Variants in HELB observed in about 807,000 individuals in gnomAD.
The protein encoded by HELB is DNA 5'-3' helicase B.
In HELB, 96 loss-of-function variants were observed where a neutral mutation model predicts 101.7. That is an observed-to-expected ratio of 0.94 (90% CI 0.80 to 1.12). The LOEUF (loss-of-function observed/expected upper bound fraction) is 1.12. Among genes scored for constraint, HELB ranks in the 50% most tolerant of loss-of-function variants. The probability of loss-of-function intolerance (pLI) is 0.00; values close to 1 mark genes in which losing one functional copy is unlikely to be tolerated. For synonymous variants in HELB, 437 were observed against 459.7 expected (o/e 0.95, Z 0.63); for missense variants, 1,210 against 1,291.9 (o/e 0.94, Z 0.97).
chr12:66,324,175 T>A lies in HELB; in HGVS notation c.2490T>A (p.Val830=). 4 of 1,613,674 alleles carry A rather than the reference T, an allele frequency of 2.5e-6. No individual in the cohort carries two copies. The highest frequency in any genetic ancestry group is 3.4e-6 in the Non-Finnish European group (4 of 1,179,726). The change falls in exon 10 of 13, where the codon GTT becomes GTA. Residue 830 remains valine, a synonymous_variant. Transcript: ENST00000247815. ...AKNKRDFESN[V]RLCNGEIFFI... Reference sequence around the variant, plus strand: ...ATAAGCGTGACTTTGAAAGTAACGTTCGACTGTGCAATGGAGAGATATTTT... The same window carrying A: ...ATAAGCGTGACTTTGAAAGTAACGTACGACTGTGCAATGGAGAGATATTTT...
intron 6 of HELB, among the ~76,000 whole-genome samples, chr12:66,316,148 C>G (rs967517214): frequency 6.6e-6 from 1 of 152,118 alleles, no homozygotes; most frequent in Admixed American, 6.5e-5. Context: ...GGTACAGTAG[C>G]ATGCTGTGCA....
downstream of HELB, chr12:66,342,185 G>A (rs985026153): frequency 3.9e-5 from 6 of 152,012 alleles, no homozygotes; most frequent in Non-Finnish European, 7.4e-5. Context: ...TTTTGTATAT[G>A]GTGTGAGGTA....
intron 12 of HELB, among the ~76,000 whole-genome samples, chr12:66,335,804 G>A (rs2053860242): frequency 1.3e-5 from 2 of 152,202 alleles, no homozygotes; most frequent in Non-Finnish European, 2.9e-5. Context: ...AATGGGTGTA[G>A]TACGTTGGGT....
At chr12:66,317,942 ATCT>A (rs911191527) in intron 6 of HELB, among the ~76,000 whole-genome samples, 9 of 152,216 alleles carry the variant, frequency 5.9e-5, no homozygotes, top group Non-Finnish European at 1.0e-4. Flanking sequence ...CGAGGAGTCA[ATCT>A]TCTTCCAAAT....
intron 3 of HELB, among the ~76,000 whole-genome samples, chr12:66,309,173 A>G (rs931577719): frequency 6.6e-6 from 1 of 152,218 alleles, no homozygotes; most frequent in African/African-American, 2.4e-5. Context: ...ATAAATACCT[A>G]TTTAACCAAA....
intron 3 of HELB, among the ~76,000 whole-genome samples, chr12:66,307,109 G>T (rs2053485806): frequency 6.6e-6 from 1 of 152,204 alleles, no homozygotes; most frequent in Non-Finnish European, 1.5e-5. Context: ...AATCTTGGTA[G>T]TTCTTGCTTA....
intron 7 of HELB, 99 bp downstream of exon 7, chr12:66,318,891 A>G: frequency 1.1e-6 from 1 of 883,540 alleles, no homozygotes; most frequent in Non-Finnish European, 1.7e-6. Flanking sequence ...TTAATGGTAA[A>G]GAGAAATATT....
In HELB at chr12:66,310,426, G is replaced by T. The variant is rs1471309475; in HGVS notation, c.1498G>T (p.Val500Leu). ...TATAGAGCAGTTGGAAGAAAGAGAA[G>T]TAAAAAAAGCCTGTGAAGATTTTGA... ...KHIEQLEERE[V>L]KKACEDFEQD... The change falls in exon 4 of 13, where the codon GTA becomes TTA. Residue 500 changes from valine to leucine, a missense_variant. Physicochemically the swap from Val to Leu is conservative, Grantham distance 32 (BLOSUM62 1). Transcript: ENST00000247815. 4 of 1,614,086 alleles carry T rather than the reference G, an allele frequency of 2.5e-6. No homozygotes were observed. Among genetic ancestry groups the T allele is most frequent in the Admixed American group, 3.3e-5 (2 of 60,002 alleles).
chr12:66,334,306 T>TA (rs1485751119), intron 12 of HELB, among the ~76,000 whole-genome samples: 2 of 150,928 alleles, frequency 1.3e-5, no homozygotes, highest in Non-Finnish European at 3.0e-5. Flanking sequence ...ACAAAAATAG[T>TA]AAAAAATTAG....
In HELB at chr12:66,309,955, G is replaced by A. The variant is rs1450391472; in HGVS notation, c.1027G>A (p.Val343Met). 1.2e-6 allele frequency: 2 copies of A among 1,614,208 alleles called. No homozygotes were observed. Among genetic ancestry groups the A allele is most frequent in the Non-Finnish European group, 1.7e-6 (2 of 1,180,026 alleles). ...ESLKFLKDIG[V>M]VTYEKSCVFP... ...TCTGAAGTTTTTGAAGGATATTGGT[G>A]TGGTGACATATGAGAAGTCCTGTGT... The change falls in exon 4 of 13, where the codon GTG becomes ATG. Residue 343 changes from valine to methionine, a missense_variant. Physicochemically the swap from Val to Met is conservative, Grantham distance 21. Coordinates refer to ENST00000247815, the MANE Select transcript of HELB (RefSeq NM_001370285.1).
At position 66,324,155 on chromosome 12, in the gene HELB, C is replaced by T. The variant is rs552894297; in HGVS notation, c.2470C>T (p.Arg824Cys). ...GCTTCCTGATTTTGCTAAAAATAAG[C>T]GTGACTTTGAAAGTAACGTTCGACT... ...GTLPDFAKNK[R>C]DFESNVRLCN... Residue 824 changes from arginine (R) to cysteine (C), a missense_variant, in exon 10 of 13, where the codon CGT becomes TGT. This residue lies in a region of HELB where 740 missense variants were observed against 728.8 expected (regional missense o/e 1.02). Coordinates refer to ENST00000247815, the MANE Select transcript of HELB (RefSeq NM_001370285.1). 19 of 1,613,654 alleles carry T rather than the reference C, an allele frequency of 1.2e-5. No homozygotes were observed. Among genetic ancestry groups the T allele is most frequent in the South Asian group, 2.2e-5 (2 of 91,072 alleles).
At chr12:66,305,708 G>T (rs1449231822) in intron 2 of HELB, among the ~76,000 whole-genome samples, 1 of 150,954 alleles carries the variant, frequency 6.6e-6, no homozygotes, top group Non-Finnish European at 1.5e-5. Context: ...TTGCACCACT[G>T]TACTCCAGCC....
chr12:66,306,572 T>C, intron 3 of HELB, 58 bp downstream of exon 3: 2 of 1,322,244 alleles, frequency 1.5e-6, no homozygotes, highest in Non-Finnish European at 2.0e-6. Flanking sequence ...GTTTCAGATT[T>C]GGCAATTTTC....
intron 6 of HELB, 79 bp from the exon 7 acceptor site, chr12:66,318,559 A>G (rs1038324961): frequency 7.8e-7 from 1 of 1,276,378 alleles, no homozygotes; most frequent in Non-Finnish European, 1.1e-6. Flanking sequence ...AATTATTATA[A>G]GGACATTAGC....
At chr12:66,329,950 T>C (rs1592646729) in intron 11 of HELB, among the ~76,000 whole-genome samples, 2 of 152,328 alleles carry the variant, frequency 1.3e-5, no homozygotes, top group East Asian at 3.9e-4. Flanking sequence ...ATCGGAAAGA[T>C]GTATTTATCA....
In HELB at chr12:66,310,177, G is replaced by A. The variant is rs2136991813; in HGVS notation, c.1249G>A (p.Asp417Asn). The A allele has an allele frequency of 1.9e-6, 3 of 1,614,076 alleles. No individual in the cohort carries two copies. In the East Asian group the frequency reaches 6.7e-5, roughly 36 times the overall value. Residue 417 changes from aspartate to asparagine, a missense_variant, in exon 4 of 13, where the codon GAT becomes AAT. By Grantham distance (23) the Asp-to-Asn change is conservative. Around this residue, in one of 2 missense-constraint regions of HELB, gnomAD observed 470 missense variants for 563.1 expected, o/e 0.83. Transcript: ENST00000247815. Reference sequence around the variant, plus strand: ...TGAAGTAAGATTAGAAAATCCTGTGGATGTTGTGGACACACAGGACAATGG... The same window carrying A: ...TGAAGTAAGATTAGAAAATCCTGTGAATGTTGTGGACACACAGGACAATGG... ...PDEVRLENPV[D>N]VVDTQDNGDH...
chr12:66,313,412 A>G (rs1243969055), intron 4 of HELB, among the ~76,000 whole-genome samples: 1 of 152,162 alleles, frequency 6.6e-6, no homozygotes, highest in Non-Finnish European at 1.5e-5. Flanking sequence ...GGGATGATAT[A>G]CACTAAAATA....
At chr12:66,317,352 T>C (rs1345904660) in intron 6 of HELB, among the ~76,000 whole-genome samples, 1 of 152,228 alleles carries the variant, frequency 6.6e-6, no homozygotes, top group Non-Finnish European at 1.5e-5. Context: ...CTGTCTACCT[T>C]GGACAAAATT....
At chr12:66,327,979 G>C (rs1296116111) in intron 11 of HELB, among the ~76,000 whole-genome samples, 1 of 152,158 alleles carries the variant, frequency 6.6e-6, no homozygotes, top group Non-Finnish European at 1.5e-5. Context: ...GAGTATCTGG[G>C]ACAGGAGCAT....
Sources: allele counts gnomAD v4.1 joint callset (sites outside exome capture counted in the v4.1 genomes callset), GRCh38; gene constraint gnomAD v4.1.1; regional missense constraint gnomAD v4.1.1; transcripts MANE v1.5; gene names NCBI Gene and HGNC (gene_info 2026-07-23, HGNC 2026-07-21).